Variants in CD302 observed in about 807,000 individuals in gnomAD.
CD302 encodes CD302 antigen.
A neutral mutation model predicts 26.5 loss-of-function variants in CD302; 23 were observed. That is an observed-to-expected ratio of 0.87 (90% CI 0.62 to 1.23). The LOEUF is 1.23. Among genes scored for constraint, CD302 ranks in the 50% most tolerant of loss-of-function variants. The probability of loss-of-function intolerance (pLI) is 0.00; values close to 1 mark genes in which losing one functional copy is unlikely to be tolerated. For missense variants in CD302, 290 were observed against 275.5 expected (o/e 1.05, Z -0.37); for synonymous variants, 90 against 99.4 (o/e 0.91, Z 0.56).
intron 2 of CD302, among the ~76,000 whole-genome samples, chr2:159,781,966 G>T (rs1708526830): frequency 2.6e-5 from 4 of 152,046 alleles, no homozygotes; most frequent in Admixed American, 2.6e-4. Context: ...GAATATAACA[G>T]TAATAAAAAG....
chr2:159,791,566 G>A (rs1208827484), intron 1 of CD302, among the ~76,000 whole-genome samples: 1 of 152,072 alleles, frequency 6.6e-6, no homozygotes, highest in African/African-American at 2.4e-5. Flanking sequence ...GATTGTTAAC[G>A]CCACGACAGC....
At chr2:159,773,783 A>G (rs1205707643) in intron 5 of CD302, among the ~76,000 whole-genome samples, 1 of 152,216 alleles carries the variant, frequency 6.6e-6, no homozygotes, top group Non-Finnish European at 1.5e-5. Flanking sequence ...GAAATGTATT[A>G]TCTACCTCAT....
intron 5 of CD302, among the ~76,000 whole-genome samples, chr2:159,772,843 T>G (rs990246697): frequency 9.9e-5 from 15 of 152,186 alleles, no homozygotes; most frequent in Admixed American, 7.9e-4. Flanking sequence ...GAGAGAAATT[T>G]GGCCAAATTA....
chr2:159,789,902 G>A (rs1560050203), intron 1 of CD302, among the ~76,000 whole-genome samples: 1 of 152,172 alleles, frequency 6.6e-6, no homozygotes, highest in Non-Finnish European at 1.5e-5. Context: ...AGACTGTTGG[G>A]CTCACCTCAG....
chr2:159,776,012 C>CTTTTTTTT lies in CD302; in HGVS notation c.496+1918_496+1925dup, dbSNP rs71406197. Among the ~76,000 whole-genome samples, 471 of 81,242 alleles carry CTTTTTTTT rather than the reference C, an allele frequency of 5.8e-3. 41 individuals carry two copies. The highest frequency in any genetic ancestry group is 0.019 in the African/African-American group (445 of 23,214). 53.3% of individuals were successfully genotyped at this position (81,242 alleles called of 152,430 possible). A position where few individuals can be genotyped will look rare whatever the true frequency, so the allele number is the denominator to read the frequency against. On this transcript the variant is annotated intron_variant, in intron 5 of 5. Transcript: ENST00000259053. ...TGCAGCCTCTGCCTCCGGGTTTCAA[C>CTTTTTTTT]TTTTTTTTTTTTTTTTTTAAAGTAG...
At chr2:159,784,803 C>T (rs897332166) in intron 1 of CD302, among the ~76,000 whole-genome samples, 13 of 152,188 alleles carry the variant, frequency 8.5e-5, no homozygotes, top group African/African-American at 2.6e-4. Context: ...CATTGGTTGT[C>T]CCCAGTACTG....
intron 5 of CD302, among the ~76,000 whole-genome samples, chr2:159,773,883 G>GA (rs1209753256): frequency 6.6e-6 from 1 of 151,980 alleles, no homozygotes; most frequent in Admixed American, 6.6e-5. Flanking sequence ...CAAAATTTAG[G>GA]AAAAATACTT....
chr2:159,776,012 C>CTTT lies in CD302; in HGVS notation c.496+1923_496+1925dup, dbSNP rs71406197. ...TGCAGCCTCTGCCTCCGGGTTTCAA[C>CTTT]TTTTTTTTTTTTTTTTTTAAAGTAG... On this transcript the variant is annotated intron_variant, in intron 5 of 5. Coordinates refer to ENST00000259053, the MANE Select transcript of CD302 (RefSeq NM_014880.5). 5.2e-3 allele frequency among the ~76,000 whole-genome samples: 425 copies of CTTT among 81,264 alleles called. 32 individuals are homozygous for CTTT. The South Asian group carries it at 0.055, about 10-fold the overall frequency. The allele number at this position is 81,264 out of a possible 152,430, so 53.3% of individuals were successfully genotyped here.
In CD302 at chr2:159,771,892, C is replaced by T; in HGVS notation, c.658G>A (p.Val220Ile). The T allele has an allele frequency of 6.2e-7, 1 of 1,613,938 alleles. No homozygotes were observed. Among genetic ancestry groups the T allele is most frequent in the Non-Finnish European group, 8.5e-7 (1 of 1,179,916 alleles). ...GGATATTCATTTTCTTCTCCAACTACCAAAACACAGTCTTCATTATAAGGT... is the reference window on the plus strand; with the variant it reads ...GGATATTCATTTTCTTCTCCAACTATCAAAACACAGTCTTCATTATAAGGT... The part of the protein sequence containing the change: ...QSPYNEDCVL[V>I]VGEENEYPVQ... The change falls in exon 6 of 6, where the codon GTA becomes ATA. Residue 220 changes from valine (V) to isoleucine (I), a missense_variant. Physicochemically the swap from Val to Ile is conservative, Grantham distance 29. Coordinates refer to ENST00000259053, the MANE Select transcript of CD302 (RefSeq NM_014880.5).
At chr2:159,775,556 A>C (rs1708288455) in intron 5 of CD302, among the ~76,000 whole-genome samples, 1 of 152,246 alleles carries the variant, frequency 6.6e-6, no homozygotes, top group South Asian at 2.1e-4. Flanking sequence ...AAAGTTAACT[A>C]CTACTGTTGC....
chr2:159,779,977 A>G, intron 4 of CD302, 28 bp downstream of exon 4: 1 of 1,595,216 alleles, frequency 6.3e-7, no homozygotes, highest in African/African-American at 1.4e-5. Flanking sequence ...CCCTTCTAGA[A>G]TGGAAAAACA....
chr2:159,773,261 C>G (rs372283580), intron 5 of CD302, among the ~76,000 whole-genome samples: 67 of 152,260 alleles, frequency 4.4e-4, no homozygotes, highest in African/African-American at 1.4e-3. Flanking sequence ...TGATCTGCCC[C>G]CCTCGGCCTC....
chr2:159,776,600 C>T (rs1708333489), intron 5 of CD302, among the ~76,000 whole-genome samples: 1 of 152,044 alleles, frequency 6.6e-6, no homozygotes, highest in Non-Finnish European at 1.5e-5. Flanking sequence ...GATGTAATTC[C>T]TGTATACACA....
At position 159,798,178 on chromosome 2, in the gene CD302, G is replaced by A. The variant is rs1316831713; in HGVS notation, c.21C>T (p.Pro7=). 1.4e-6 allele frequency: 2 copies of A among 1,478,924 alleles called. No individual in the cohort carries two copies. Among genetic ancestry groups the A allele is most frequent in the African/African-American group, 1.5e-5 (1 of 67,510 alleles). 91.6% of individuals were successfully genotyped at this position (1,478,924 alleles called of 1,614,324 possible). Reference sequence around the variant, plus strand: ...GGCCCAGCAACGGCAGCAGGAGCGCGGGCAGCGCGGCCCGGAGCATGACGG... The same window carrying A: ...GGCCCAGCAACGGCAGCAGGAGCGCAGGCAGCGCGGCCCGGAGCATGACGG... MLRAAL[P]ALLLPLLGLA... The change falls in exon 1 of 6, where the codon CCC becomes CCT. Residue 7 remains proline, a synonymous_variant. Coordinates refer to ENST00000259053, the MANE Select transcript of CD302 (RefSeq NM_014880.5).
At position 159,798,149 on chromosome 2, in the gene CD302, G is replaced by A. The variant is rs867228181; in HGVS notation, c.50C>T (p.Ala17Val). The part of the protein sequence containing the change: ...PALLLPLLGL[A>V]AAAVADCPSS... The stretch of plus-strand genomic sequence containing the variant: ...GGGCTTACCCGCGACGGCAGCAGCG[G>A]CGAGGCCCAGCAACGGCAGCAGGAG... The change falls in exon 1 of 6, where the codon GCC (alanine) becomes GTC (valine). Residue 17 changes from alanine (A) to valine (V), a missense_variant. Physicochemically the swap from Ala to Val is moderately conservative, Grantham distance 64. Coordinates refer to ENST00000259053, the MANE Select transcript of CD302 (RefSeq NM_014880.5). The A allele has an allele frequency of 2.7e-6, 4 of 1,485,246 alleles. No individual in the cohort carries two copies. Among genetic ancestry groups the A allele is most frequent in the Non-Finnish European group, 1.8e-6 (2 of 1,123,576 alleles). The allele number at this position is 1,485,246 out of a possible 1,614,324, so 92.0% of individuals were successfully genotyped here. A position where few individuals can be genotyped will look rare whatever the true frequency, so the allele number is the denominator to read the frequency against.
At chr2:159,796,900 T>G (rs1315728765) in intron 1 of CD302, among the ~76,000 whole-genome samples, 1 of 152,102 alleles carries the variant, frequency 6.6e-6, no homozygotes, top group East Asian at 1.9e-4. Context: ...ACATGAGAGT[T>G]GAGATGTTAC....
chr2:159,791,104 C>T (rs2125813226), intron 1 of CD302, among the ~76,000 whole-genome samples: 2 of 152,330 alleles, frequency 1.3e-5, no homozygotes, highest in South Asian at 4.1e-4. Flanking sequence ...TGAAGTGTCT[C>T]AGCCTTATCT....
intron 5 of CD302, among the ~76,000 whole-genome samples, chr2:159,777,373 C>T (rs1415533696): frequency 3.3e-5 from 5 of 152,224 alleles, no homozygotes; most frequent in Non-Finnish European, 5.9e-5. Flanking sequence ...ACAATACCAT[C>T]ATGGGATGAA....
intron 1 of CD302, among the ~76,000 whole-genome samples, chr2:159,793,720 C>G (rs1708869640): frequency 6.6e-6 from 1 of 152,122 alleles, no homozygotes; most frequent in African/African-American, 2.4e-5. Context: ...TGGCTGTACT[C>G]TGAGCTTCAA....
Sources: gnomAD v4.1 joint callset for allele counts (sites outside exome capture counted in the v4.1 genomes callset) on GRCh38, gnomAD v4.1.1 for gene constraint, MANE v1.5 for transcripts, NCBI Gene and HGNC (gene_info 2026-07-23, HGNC 2026-07-21) for gene names.